Variants in USP42 observed in about 807,000 individuals in gnomAD.
The protein encoded by USP42 is ubiquitin carboxyl-terminal hydrolase 42.
In USP42, 23 loss-of-function variants were observed where a neutral mutation model predicts 113.0. The ratio of observed to expected loss-of-function variants is 0.20; its 90% CI spans 0.15 to 0.29. The LOEUF (loss-of-function observed/expected upper bound fraction) is 0.29. USP42 is among the 10% of genes least tolerant of loss of function. The pLI, the probability that USP42 is intolerant of heterozygous loss-of-function variation, is 1.00. For missense variants in USP42, 2,174 were observed against 1,779.8 expected, an observed-to-expected ratio of 1.22 and a Z score of -3.99; for synonymous variants, 933 against 699.0, an observed-to-expected ratio of 1.33 and a Z score of -5.28.
chr7:6,106,405 C>T (rs1014973762), intron 1 of USP42, among the ~76,000 whole-genome samples: 1 of 152,100 alleles, frequency 6.6e-6, no homozygotes, highest in Non-Finnish European at 1.5e-5. Flanking sequence ...TAGTGAAACT[C>T]CACAAATGAA....
rs935399401 is a variant in USP42 at position 6,115,401 on chromosome 7, A to G, written c.320A>G (p.His107Arg). The change falls in exon 3 of 18, where the codon CAT becomes CGT. Residue 107 changes from histidine (H) to arginine (R), a missense_variant. Physicochemically the swap from His to Arg is conservative, Grantham distance 29 (BLOSUM62 0). Transcript: ENST00000306177. ...EKICLKWQQT[H>R]RVGAGLQNLG... is the part of the protein sequence containing the mutation. ...ATTTGTCTTAAGTGGCAACAAACTC[A>G]TAGAGTTGGAGCTGGGCTCCAGAAT... 1.9e-6 allele frequency: 3 copies of G among 1,613,930 alleles called. No homozygotes were observed. Among genetic ancestry groups the G allele is most frequent in the Non-Finnish European group, 2.5e-6 (3 of 1,179,896 alleles).
At chr7:6,156,185 C>T (rs1235670851) in intron 15 of USP42, among the ~76,000 whole-genome samples, 2 of 152,112 alleles carry the variant, frequency 1.3e-5, no homozygotes, top group African/African-American at 4.8e-5. Context: ...TTACCAAAAG[C>T]CATATGGAAA....
intron 14 of USP42, among the ~76,000 whole-genome samples, chr7:6,153,461 T>A (rs1054150794): frequency 2.0e-5 from 3 of 151,276 alleles, no homozygotes; most frequent in African/African-American, 7.3e-5. Flanking sequence ...AAATTGGGAG[T>A]TTCCAGAGAT....
intron 3 of USP42, among the ~76,000 whole-genome samples, chr7:6,124,449 A>G (rs1323167256): frequency 6.6e-6 from 1 of 151,584 alleles, no homozygotes; most frequent in African/African-American, 2.4e-5. Context: ...TATTTTTAGT[A>G]GAGATGGGGT....
At chr7:6,099,211 CTTTTTTTTT>C in the USP42 span, among the ~76,000 whole-genome samples, 2 of 98,802 alleles carry the variant, frequency 2.0e-5, no homozygotes, top group Non-Finnish European at 3.8e-5. Context: ...TGTTCCCTCT[CTTTTTTTTT>C]TTTTTTTTTT....
intron 3 of USP42, among the ~76,000 whole-genome samples, chr7:6,129,717 C>A (rs1384921591): frequency 6.6e-6 from 1 of 151,866 alleles, no homozygotes; most frequent in Non-Finnish European, 1.5e-5. Context: ...AAAAATTAGC[C>A]AGGTGTGGTG....
chr7:6,152,822 T>G (rs1332265173), intron 14 of USP42: 2 of 416,142 alleles, frequency 4.8e-6, no homozygotes, highest in African/African-American at 4.3e-5. Flanking sequence ...TTCCTCATAA[T>G]TTGTCAGTAA....
At chr7:6,108,484 G>A (rs547136807) in intron 1 of USP42, among the ~76,000 whole-genome samples, 2 of 152,246 alleles carry the variant, frequency 1.3e-5, no homozygotes, top group East Asian at 3.9e-4. Flanking sequence ...TACTTTTACA[G>A]TATCCTTTTC....
At chr7:6,084,776 T>C in the USP42 span, 2 of 150,416 alleles carry the variant, frequency 1.3e-5, no homozygotes, top group Non-Finnish European at 2.9e-5. Flanking sequence ...TGGAGTGCAG[T>C]GGCAGAATTT....
rs150464765 is a variant in USP42, at chr7:6,149,232, T to G, written c.1387-351T>G. 2.6e-4 allele frequency among the ~76,000 whole-genome samples: 39 copies of G among 152,264 alleles called. 1 individual carries two copies. Among genetic ancestry groups the G allele is most frequent in the South Asian group, 1.0e-3 (5 of 4,826 alleles). On this transcript the variant is annotated intron_variant, in intron 12 of 17. Transcript: ENST00000306177. ...GGGTGATTCCTCCTTCCTGGCACTCTGCATCAGCGAGCTCCCAGGAAACCC... is the reference window on the plus strand; with the variant it reads ...GGGTGATTCCTCCTTCCTGGCACTCGGCATCAGCGAGCTCCCAGGAAACCC...
At chr7:6,100,557 T>C (rs566688713), upstream of USP42, among the ~76,000 whole-genome samples, 501 of 151,040 alleles carry the variant, frequency 3.3e-3, 35 homozygotes, top group African/African-American at 0.012. Flanking sequence ...CTCGAACTCC[T>C]GACCTCAGGT....
In USP42 at chr7:6,161,114, A is replaced by C. The variant is rs1205089652; in HGVS notation, c.*596A>C. 2 of 151,730 alleles carry C rather than the reference A, an allele frequency of 1.3e-5. No homozygotes were observed. The highest frequency in any genetic ancestry group is 2.9e-5 in the Non-Finnish European group (2 of 67,818). The allele number at this position is 151,730 out of a possible 1,614,324, so 9.4% of individuals were successfully genotyped here. On this transcript the variant is annotated 3_prime_UTR_variant, in exon 18 of 18. Coordinates refer to ENST00000306177, the MANE Select transcript of USP42 (RefSeq NM_032172.3). ...TTTTTGAACTTTGTGGAACTGTTCC[A>C]ATCAATCAATTTCCCAGTTATGATG...
At chr7:6,142,905 T>C (rs374138161) in intron 7 of USP42, 27 bp from the exon 8 acceptor site, 17 of 1,611,172 alleles carry the variant, frequency 1.1e-5, no homozygotes, top group Non-Finnish European at 1.4e-5. Flanking sequence ...TGCGGTGATG[T>C]GGTGTTTGTG....
At chr7:6,140,234 A>G (rs781214320) in intron 6 of USP42, 39 bp downstream of exon 6, 2 of 1,567,840 alleles carry the variant, frequency 1.3e-6, no homozygotes, top group Admixed American at 3.4e-5. Context: ...TGATACACAC[A>G]TGTGGTTAAA....
intron 3 of USP42, among the ~76,000 whole-genome samples, chr7:6,133,116 A>T (rs574200995): frequency 6.6e-6 from 1 of 152,296 alleles, no homozygotes; most frequent in South Asian, 2.1e-4. Flanking sequence ...TCAAATTTGG[A>T]CAACTTTCAG....
intron 3 of USP42, among the ~76,000 whole-genome samples, chr7:6,121,661 C>A (rs1347473133): frequency 6.6e-6 from 1 of 152,042 alleles, no homozygotes; most frequent in African/African-American, 2.4e-5. Flanking sequence ...CTACATTCTT[C>A]TTTTCTTTGT....
chr7:6,102,472 A>T (rs1404978547), upstream of USP42, among the ~76,000 whole-genome samples: 5 of 147,390 alleles, frequency 3.4e-5, no homozygotes, highest in African/African-American at 1.3e-4. Context: ...GAAATGGAAA[A>T]TGAAGCTGGG....
chr7:6,145,164 C>G (rs905044586), intron 9 of USP42, among the ~76,000 whole-genome samples: 2 of 151,420 alleles, frequency 1.3e-5, no homozygotes, highest in Non-Finnish European at 2.9e-5. Context: ...AAACCCCTGT[C>G]TCTACTAAAA....
chr7:6,118,627 TTGGGTCAG>T (rs780263670), intron 3 of USP42, among the ~76,000 whole-genome samples: 10 of 152,214 alleles, frequency 6.6e-5, no homozygotes, highest in Non-Finnish European at 1.2e-4. Context: ...GCTTTTGTTT[TTGGGTCAG>T]TGGTCCATTT....
Sources: gnomAD v4.1 joint callset for allele counts (sites outside exome capture counted in the v4.1 genomes callset) on GRCh38, gnomAD v4.1.1 for gene constraint, MANE v1.5 for transcripts, NCBI Gene and HGNC (gene_info 2026-07-23, HGNC 2026-07-21) for gene names.